The following NEDD4 variants were observed in gnomAD, a reference collection of about 807,000 sequenced individuals.
The protein encoded by NEDD4 is NEDD4 E3 ubiquitin protein ligase.
A neutral mutation model predicts 144.9 loss-of-function variants in NEDD4; 99 were observed. The ratio of observed to expected loss-of-function variants is 0.68; its 90% CI spans 0.58 to 0.81. The LOEUF (loss-of-function observed/expected upper bound fraction) is 0.81. Ranked by LOEUF, NEDD4 falls within the 30% of genes least tolerant of loss-of-function variation. The probability of loss-of-function intolerance (pLI) is 0.00; values close to 1 mark genes in which losing one functional copy is unlikely to be tolerated. For missense variants in NEDD4, 985 were observed against 1,065.9 expected (o/e 0.92, Z 1.06); for synonymous variants, 318 against 350.6 (o/e 0.91, Z 1.04).
In NEDD4 at chr15:55,949,278, G is replaced by A. The variant is rs537618106; in HGVS notation, c.237+2098C>T. The stretch of plus-strand genomic sequence containing the variant: ...ACCATCTCACACCAGTTAGAATGGC[G>A]AACATTAAAAAGTCAGGAAACAACA... On this transcript the variant is annotated intron_variant, in intron 4 of 28. Coordinates refer to ENST00000435532, the MANE Select transcript of NEDD4 (RefSeq NM_006154.4). Among the ~76,000 whole-genome samples the A allele has an allele frequency of 3.8e-3, 574 of 152,184 alleles. 14 individuals are homozygous for A. Among genetic ancestry groups the A allele is most frequent in the Admixed American group, 0.03 (466 of 15,282 alleles).
At chr15:55,843,703 A>G (rs1168545237) in intron 18 of NEDD4, among the ~76,000 whole-genome samples, 2 of 152,180 alleles carry the variant, frequency 1.3e-5, no homozygotes, top group African/African-American at 4.8e-5. Context: ...TAAGCAGTTG[A>G]TATAAGCAAT....
At chr15:55,905,235 C>G (rs1263170113) in intron 5 of NEDD4, 3 of 454,040 alleles carry the variant, frequency 6.6e-6, no homozygotes, top group South Asian at 3.1e-5. Flanking sequence ...AGTTGCAGAA[C>G]TTATATAAAG....
intron 1 of NEDD4, among the ~76,000 whole-genome samples, chr15:55,981,881 G>A (rs570668792): frequency 8.5e-5 from 13 of 152,342 alleles, no homozygotes; most frequent in East Asian, 1.9e-4. Flanking sequence ...TGCAGTTAAC[G>A]TGGTTATGGA....
At chr15:55,901,429 T>C in intron 5 of NEDD4, among the ~76,000 whole-genome samples, 1 of 152,208 alleles carries the variant, frequency 6.6e-6, no homozygotes, top group East Asian at 1.9e-4. Context: ...GTTAATTTGC[T>C]GTATAATTCT....
chr15:55,827,464 T>G lies in NEDD4; in HGVS notation c.*2433A>C, dbSNP rs971703465. ...AGTCTGGTCTCATTTAACATCATGTTCTATGAGTCACAGAATCATCCAAAT... is the reference window on the plus strand; with the variant it reads ...AGTCTGGTCTCATTTAACATCATGTGCTATGAGTCACAGAATCATCCAAAT... On this transcript the variant is annotated 3_prime_UTR_variant, in exon 29 of 29. Coordinates refer to ENST00000435532, the MANE Select transcript of NEDD4 (RefSeq NM_006154.4). 7.9e-5 allele frequency: 12 copies of G among 152,192 alleles called. No individual in the cohort carries two copies. Among genetic ancestry groups the G allele is most frequent in the Non-Finnish European group, 1.2e-4 (8 of 68,036 alleles). 9.4% of individuals were successfully genotyped at this position (152,192 alleles called of 1,614,324 possible).
chr15:55,860,828 T>C (rs1445605759), intron 9 of NEDD4, 50 bp from the exon 10 acceptor site: 2 of 1,496,244 alleles, frequency 1.3e-6, no homozygotes, highest in African/African-American at 1.4e-5. Flanking sequence ...GTAGTTAAAA[T>C]GATTGTCAAA....
chr15:55,925,254 G>A (rs533480961), intron 4 of NEDD4, among the ~76,000 whole-genome samples: 4 of 152,258 alleles, frequency 2.6e-5, no homozygotes, highest in African/African-American at 7.2e-5. Flanking sequence ...CTAACAGAAC[G>A]AAAGGAAGTA....
chr15:55,908,579 T>A (rs546032919), intron 5 of NEDD4, among the ~76,000 whole-genome samples: 7 of 152,316 alleles, frequency 4.6e-5, no homozygotes, highest in Admixed American at 2.6e-4. Flanking sequence ...TACGATCTGT[T>A]ATAAATACAG....
chr15:55,914,100 A>C (rs1363695106), intron 5 of NEDD4, among the ~76,000 whole-genome samples: 1 of 151,800 alleles, frequency 6.6e-6, no homozygotes, highest in African/African-American at 2.4e-5. Flanking sequence ...TTATATTAAC[A>C]TCTGGGCATT....
intron 1 of NEDD4, among the ~76,000 whole-genome samples, chr15:55,983,705 G>A (rs913344018): frequency 2.7e-5 from 4 of 150,304 alleles, no homozygotes; most frequent in Non-Finnish European, 4.4e-5. Flanking sequence ...CCCACCTCCC[G>A]ATTCAAACAA....
At chr15:55,850,188 C>T (rs539375827) in intron 14 of NEDD4, among the ~76,000 whole-genome samples, 4 of 152,226 alleles carry the variant, frequency 2.6e-5, no homozygotes, top group African/African-American at 9.6e-5. Context: ...CCTAGCCTCA[C>T]AAGGTTTTTT....
chr15:55,851,506 C>A (rs555740155), intron 13 of NEDD4, among the ~76,000 whole-genome samples: 1 of 150,226 alleles, frequency 6.7e-6, no homozygotes, highest in Non-Finnish European at 1.5e-5. Context: ...GATGGAGTTT[C>A]GCTCTTGTTG....
intron 5 of NEDD4, chr15:55,924,316 G>C (rs1484234447): frequency 2.2e-5 from 5 of 227,060 alleles, no homozygotes; most frequent in Admixed American, 2.0e-4. Flanking sequence ...GATTCCCAGA[G>C]CCATGGAGTA....
chr15:55,859,611 C>T (rs531715795), intron 11 of NEDD4, among the ~76,000 whole-genome samples: 1 of 152,252 alleles, frequency 6.6e-6, no homozygotes, highest in Non-Finnish European at 1.5e-5. Flanking sequence ...GCATGAGAAT[C>T]GCCTGAAGCT....
At chr15:55,834,334 T>G (rs374914589) in intron 24 of NEDD4, 48 bp from the exon 25 acceptor site, 1 of 1,221,138 alleles carries the variant, frequency 8.2e-7, no homozygotes, top group South Asian at 1.3e-5. Context: ...GCCAATGGCC[T>G]TTCCTATGCC....
chr15:55,937,685 A>C (rs567129206), intron 4 of NEDD4, among the ~76,000 whole-genome samples: 18 of 152,356 alleles, frequency 1.2e-4, no homozygotes, highest in Non-Finnish European at 2.2e-4. Flanking sequence ...ACAAAAATAA[A>C]TGGAAAGACA....
At chr15:55,975,220 T>C (rs183838052) in intron 1 of NEDD4, among the ~76,000 whole-genome samples, 11 of 152,084 alleles carry the variant, frequency 7.2e-5, no homozygotes, top group Admixed American at 2.6e-4. Flanking sequence ...TTATTGAATA[T>C]AGTACTGGAA....
chr15:55,911,230 T>C (rs1370214398), intron 5 of NEDD4, among the ~76,000 whole-genome samples: 1 of 152,176 alleles, frequency 6.6e-6, no homozygotes, highest in African/African-American at 2.4e-5. Context: ...GGGGTGTTAC[T>C]AGCATTTAGT....
At chr15:55,891,604 G>A (rs930131579) in intron 5 of NEDD4, among the ~76,000 whole-genome samples, 1 of 152,166 alleles carries the variant, frequency 6.6e-6, no homozygotes, top group African/African-American at 2.4e-5. Flanking sequence ...ATTTAAGAAT[G>A]CCTGAAAGTC....
Sources: allele counts gnomAD v4.1 joint callset (sites outside exome capture counted in the v4.1 genomes callset), GRCh38; gene constraint gnomAD v4.1.1; transcripts MANE v1.5; gene names NCBI Gene and HGNC (gene_info 2026-07-23, HGNC 2026-07-21).